Variants in SPHKAP observed in about 807,000 individuals in gnomAD.
SPHKAP encodes SPHK1 interactor, AKAP domain containing, also known as A-kinase anchor protein SPHKAP.
SPHKAP carries 67 observed loss-of-function variants against 137.5 expected under a neutral mutation model. The observed-to-expected ratio is 0.49, with a 90% confidence interval of 0.40 to 0.60. SPHKAP has a LOEUF of 0.60. Among genes scored for constraint, SPHKAP ranks in the 20% least tolerant of loss-of-function variants. The pLI, the probability that SPHKAP is intolerant of heterozygous loss-of-function variation, is 0.00. For missense variants in SPHKAP, 2,097 were observed against 2,069.3 expected, an observed-to-expected ratio of 1.01 and a Z score of -0.26; for synonymous variants, 813 against 785.3, an observed-to-expected ratio of 1.04 and a Z score of -0.59.
chr2:228,136,427 A>G (rs1699442087), intron 1 of SPHKAP, among the ~76,000 whole-genome samples: 1 of 152,254 alleles, frequency 6.6e-6, no homozygotes, highest in Non-Finnish European at 1.5e-5. Context: ...TTCATATATT[A>G]ATAAATGAGA....
At chr2:228,159,311 T>G (rs541057810) in intron 1 of SPHKAP, among the ~76,000 whole-genome samples, 1 of 152,266 alleles carries the variant, frequency 6.6e-6, no homozygotes, top group South Asian at 2.1e-4. Context: ...AGGGGAGTTT[T>G]TAAGAGCAGG....
rs190928208 is a variant in SPHKAP, at chr2:228,059,105, G to A, written c.247-31562C>T. ...AAAAATGCATTTGCGTTGTATTCATGTTGTGTGTATCAGTTGATTATTCCC... is the reference window on the plus strand; with the variant it reads ...AAAAATGCATTTGCGTTGTATTCATATTGTGTGTATCAGTTGATTATTCCC... On this transcript the variant is annotated intron_variant, in intron 3 of 11. Coordinates refer to ENST00000392056, the MANE Select transcript of SPHKAP (RefSeq NM_001142644.2). 3.9e-4 allele frequency among the ~76,000 whole-genome samples: 60 copies of A among 152,304 alleles called. No homozygotes were observed. The East Asian group carries it at 7.3e-3, about 19-fold the overall frequency.
rs1027378632 is a variant in SPHKAP, at chr2:227,984,931, G to A, written c.4960-3071C>T. On this transcript the variant is annotated intron_variant, in intron 11 of 11. Transcript: ENST00000392056. ...CTCCTTTCTGTAAACCGTGGCTTAC[G>A]GGACCACCACCTTATCCCCAACTTT... Among the ~76,000 whole-genome samples the A allele has an allele frequency of 3.9e-5, 6 of 152,072 alleles. No individual in the cohort carries two copies. In the South Asian group the frequency reaches 6.2e-4, roughly 16 times the overall value.
intron 1 of SPHKAP, among the ~76,000 whole-genome samples, chr2:228,159,492 TG>T (rs1700211396): frequency 6.6e-6 from 1 of 152,184 alleles, no homozygotes. Context: ...AACTGGAAGA[TG>T]GGATGCTATC....
rs796078522 is a variant in SPHKAP at position 228,130,984 on chromosome 2, C to T, written c.138+996G>A. ...TAAAATTATGTTTAATTCTACCTTTCTGTAATAAGTATATTTTTCAGTACA... is the reference window on the plus strand; with the variant it reads ...TAAAATTATGTTTAATTCTACCTTTTTGTAATAAGTATATTTTTCAGTACA... On this transcript the variant is annotated intron_variant, in intron 2 of 11. Coordinates refer to ENST00000392056, the MANE Select transcript of SPHKAP (RefSeq NM_001142644.2). Among the ~76,000 whole-genome samples, 65 of 152,176 alleles carry T rather than the reference C, an allele frequency of 4.3e-4. 1 individual carries two copies. The highest frequency in any genetic ancestry group is 1.4e-3 in the African/African-American group (60 of 41,544).
chr2:227,993,418 C>T (rs1430515896), intron 9 of SPHKAP, 116 bp downstream of exon 9: 1 of 916,500 alleles, frequency 1.1e-6, no homozygotes, highest in Admixed American at 2.0e-5. Context: ...CATGGAACCA[C>T]AGCAGTACAG....
chr2:228,150,976 A>C (rs1037446598), intron 1 of SPHKAP, among the ~76,000 whole-genome samples: 5 of 151,924 alleles, frequency 3.3e-5, no homozygotes, highest in Admixed American at 2.6e-4. Flanking sequence ...GTACATGTGC[A>C]CAATGTGCAG....
In SPHKAP at chr2:228,019,299, G is replaced by A; in HGVS notation, c.1555C>T (p.Leu519Phe). ...TISSPQATERLKMEQVVSNFP... is the reference protein window; with the variant it reads ...TISSPQATERFKMEQVVSNFP... ...TTCGAGACCACTTGCTCCATTTTGA[G>A]TCTTTCTGTGGCCTGTGGACTGGAA... The change falls in exon 7 of 12, where the codon CTC becomes TTC. Residue 519 changes from leucine to phenylalanine, a missense_variant. Leu to Phe is a conservative substitution (Grantham distance 22). Coordinates refer to ENST00000392056, the MANE Select transcript of SPHKAP (RefSeq NM_001142644.2). 1 of 1,614,144 alleles carries A rather than the reference G, an allele frequency of 6.2e-7. No individual in the cohort carries two copies. Among genetic ancestry groups the A allele is most frequent in the East Asian group, 2.2e-5 (1 of 44,874 alleles).
At chr2:228,051,111 T>A (rs867973744) in intron 3 of SPHKAP, among the ~76,000 whole-genome samples, 4 of 152,180 alleles carry the variant, frequency 2.6e-5, no homozygotes, top group South Asian at 2.1e-4. Flanking sequence ...GGCCACCCAC[T>A]CCACTTTCTC....
intron 3 of SPHKAP, among the ~76,000 whole-genome samples, chr2:228,032,181 C>G (rs948196481): frequency 2.0e-5 from 3 of 152,038 alleles, no homozygotes; most frequent in African/African-American, 7.2e-5. Flanking sequence ...GCAGAGAAGT[C>G]CTTAAAGGAG....
At chr2:228,095,005 C>G (rs1212075841) in intron 3 of SPHKAP, among the ~76,000 whole-genome samples, 1 of 151,906 alleles carries the variant, frequency 6.6e-6, no homozygotes, top group Non-Finnish European at 1.5e-5. Flanking sequence ...AAACACATAG[C>G]CAGAATTGCA....
In SPHKAP at chr2:228,001,230, C is replaced by CATAT. The variant is rs35028587; in HGVS notation, c.4449-5540_4449-5537dup. Among the ~76,000 whole-genome samples the CATAT allele has an allele frequency of 5.0e-3, 688 of 138,406 alleles. 4 individuals carry two copies. Among genetic ancestry groups the CATAT allele is most frequent in the Middle Eastern group, 0.015 (4 of 264 alleles). 90.8% of individuals were successfully genotyped at this position (138,406 alleles called of 152,430 possible). On this transcript the variant is annotated intron_variant, in intron 7 of 11. Coordinates refer to ENST00000392056, the MANE Select transcript of SPHKAP (RefSeq NM_001142644.2). ...TTTGATCATTTTTCTTTTATATAAA[C>CATAT]ATATATATATATATATATACACACA...
intron 3 of SPHKAP, among the ~76,000 whole-genome samples, chr2:228,102,347 TTAAA>T (rs1325164188): frequency 4.6e-5 from 7 of 152,300 alleles, no homozygotes; most frequent in Admixed American, 2.6e-4. Flanking sequence ...TGCATGATAC[TTAAA>T]TAGTCATAGA....
intron 3 of SPHKAP, among the ~76,000 whole-genome samples, chr2:228,087,308 C>T (rs553734363): frequency 3.7e-4 from 56 of 151,962 alleles, no homozygotes; most frequent in African/African-American, 1.2e-3. Flanking sequence ...CTAGAGAGAA[C>T]GGAATGGAGT....
chr2:228,127,041 A>G (rs1699097825), intron 2 of SPHKAP, among the ~76,000 whole-genome samples: 1 of 152,216 alleles, frequency 6.6e-6, no homozygotes, highest in Non-Finnish European at 1.5e-5. Flanking sequence ...TGATGAGGAA[A>G]AAGATGACAC....
chr2:228,036,395 G>A (rs1227188282), intron 3 of SPHKAP, among the ~76,000 whole-genome samples: 1 of 152,084 alleles, frequency 6.6e-6, no homozygotes. Flanking sequence ...AGGTGCTGGA[G>A]AGGATGTGGA....
chr2:228,044,131 C>G (rs933498390), intron 3 of SPHKAP, among the ~76,000 whole-genome samples: 3 of 152,188 alleles, frequency 2.0e-5, no homozygotes, highest in African/African-American at 7.2e-5. Context: ...AACTTAACCT[C>G]TCCAAGAAGC....
intron 1 of SPHKAP, among the ~76,000 whole-genome samples, chr2:228,175,930 A>G (rs1055480427): frequency 6.6e-6 from 1 of 152,204 alleles, no homozygotes; most frequent in Non-Finnish European, 1.5e-5. Flanking sequence ...AACTTAAAAA[A>G]TCTATCATGA....
chr2:228,004,911 G>T (rs1480821373), intron 7 of SPHKAP, among the ~76,000 whole-genome samples: 2 of 152,122 alleles, frequency 1.3e-5, no homozygotes, highest in Admixed American at 6.6e-5. Flanking sequence ...ATTGCAATTT[G>T]CTCTGAGAGA....
Sources: allele counts gnomAD v4.1 joint callset (sites outside exome capture counted in the v4.1 genomes callset), GRCh38; gene constraint gnomAD v4.1.1; transcripts MANE v1.5; gene names NCBI Gene and HGNC (gene_info 2026-07-23, HGNC 2026-07-21).